Variants in NDRG4 observed in about 807,000 individuals in gnomAD.
NDRG4 encodes protein NDRG4.
NDRG4 carries 38 observed loss-of-function variants against 55.8 expected under a neutral mutation model. The observed-to-expected ratio is 0.68, with a 90% confidence interval of 0.53 to 0.89. NDRG4 has a LOEUF of 0.89. Among genes scored for constraint, NDRG4 ranks in the 40% least tolerant of loss-of-function variants. NDRG4 has a pLI of 0.00. For missense variants in NDRG4, 455 were observed against 468.6 expected (o/e 0.97, Z 0.27); for synonymous variants, 190 against 182.7 (o/e 1.04, Z -0.32).
chr16:58,511,361 C>T, intron 14 of NDRG4, 61 bp from the exon 15 acceptor site: 1 of 1,516,934 alleles, frequency 6.6e-7, no homozygotes, highest in Non-Finnish European at 8.8e-7. Flanking sequence ...GCCTACTTTT[C>T]CCACCAGAGG....
chr16:58,478,076 A>C (rs1242671942), intron 1 of NDRG4, among the ~76,000 whole-genome samples: 1 of 152,190 alleles, frequency 6.6e-6, no homozygotes, highest in Non-Finnish European at 1.5e-5. Flanking sequence ...TCTACTGACT[A>C]ACTGGCCAGT....
At position 58,464,972 on chromosome 16, in the gene NDRG4, G is replaced by A; in HGVS notation, c.-24+1175G>A. Reference sequence around the variant, plus strand: ...GGACCCTACTGACTGGGGACCCTCAGCCTTGGGGCTCCTCTGGAGAAGTGA... The same window carrying A: ...GGACCCTACTGACTGGGGACCCTCAACCTTGGGGCTCCTCTGGAGAAGTGA... On this transcript the variant is annotated intron_variant, in intron 1 of 15. Transcript: ENST00000258187. This position sits in a 1 kb window ranked among gnomAD's most constrained non-coding sequence, Gnocchi z 4.8. 1.7e-6 allele frequency: 2 copies of A among 1,203,232 alleles called. No individual in the cohort carries two copies. Among genetic ancestry groups the A allele is most frequent in the Non-Finnish European group, 2.1e-6 (2 of 946,540 alleles). The allele number at this position is 1,203,232 out of a possible 1,614,324, so 74.5% of individuals were successfully genotyped here.
chr16:58,488,604 C>T (rs975293791), intron 2 of NDRG4, among the ~76,000 whole-genome samples: 1 of 151,982 alleles, frequency 6.6e-6, no homozygotes, highest in African/African-American at 2.4e-5. Context: ...GCCAGGAGCC[C>T]AGCCCCTCAA....
At chr16:58,510,785 G>A in intron 14 of NDRG4, 102 bp downstream of exon 14, 1 of 1,102,430 alleles carries the variant, frequency 9.1e-7, no homozygotes, top group South Asian at 1.3e-5. Flanking sequence ...TCTTGCTGTG[G>A]TTTGGAACCT....
intron 2 of NDRG4, among the ~76,000 whole-genome samples, chr16:58,493,894 G>A (rs1271947204): frequency 6.6e-6 from 1 of 152,190 alleles, no homozygotes; most frequent in Non-Finnish European, 1.5e-5. Flanking sequence ...TGGGGAGACG[G>A]GGACCCAGAG....
At chr16:58,500,960 G>T (rs1330038594) in intron 1 of NDRG4, 36 of 1,230,682 alleles carry the variant, frequency 2.9e-5, no homozygotes, top group Non-Finnish European at 3.3e-5. Context: ...GGAACGAGGA[G>T]GGGTTGCCTG....
chr16:58,494,006 C>A (rs776440654), intron 2 of NDRG4, among the ~76,000 whole-genome samples: 17 of 152,212 alleles, frequency 1.1e-4, no homozygotes, highest in Non-Finnish European at 1.6e-4. Flanking sequence ...CCAGCCCCCG[C>A]TCCTCCCCAG....
In NDRG4 at chr16:58,503,868, C is replaced by T. The variant is rs773985953; in HGVS notation, c.92C>T (p.Pro31Leu). The change falls in exon 2 of 15, where the codon CCA becomes CTA. Residue 31 changes from proline (P) to leucine (L), a missense_variant. Physicochemically the swap from Pro to Leu is moderately conservative, Grantham distance 98. Coordinates refer to ENST00000570248, the MANE Select transcript of NDRG4 (RefSeq NM_001242835.2). ...CGGGGCTCCCCCAAGGGGAACCGCC[C>T]AGCCATCCTCACCTACCATGATGTG... ...VIRGSPKGNRPAILTYHDVGL... is the reference protein window; with the variant it reads ...VIRGSPKGNRLAILTYHDVGL... 3 of 1,613,970 alleles carry T rather than the reference C, an allele frequency of 1.9e-6. No individual in the cohort carries two copies. The highest frequency in any genetic ancestry group is 1.7e-5 in the Admixed American group (1 of 60,016).
chr16:58,476,828 A>G (rs1203140396), intron 1 of NDRG4, among the ~76,000 whole-genome samples: 4 of 152,224 alleles, frequency 2.6e-5, no homozygotes, highest in Non-Finnish European at 4.4e-5. Flanking sequence ...AAAAATTTAC[A>G]AAAGTGATAG....
intron 2 of NDRG4, among the ~76,000 whole-genome samples, chr16:58,492,182 CCA>C (rs2035859885): frequency 6.6e-6 from 1 of 152,170 alleles, no homozygotes; most frequent in Non-Finnish European, 1.5e-5. Flanking sequence ...GCCTGCCCGC[CCA>C]CTGCTGGAGC....
At chr16:58,475,739 C>T (rs2033535068) in intron 1 of NDRG4, 1 of 447,624 alleles carries the variant, frequency 2.2e-6, no homozygotes, top group Non-Finnish European at 4.5e-6. Context: ...TGTTCAAGCT[C>T]CTGCCATCAC....
intron 1 of NDRG4, among the ~76,000 whole-genome samples, chr16:58,468,628 G>A (rs193143267): frequency 6.6e-6 from 1 of 152,298 alleles, no homozygotes; most frequent in East Asian, 1.9e-4. Context: ...GGCTGAGGCA[G>A]GAGAATTGCT....
At chr16:58,481,671 G>A (rs114128708) in intron 1 of NDRG4, among the ~76,000 whole-genome samples, 2,415 of 152,242 alleles carry the variant, frequency 0.016, 48 homozygotes, top group African/African-American at 0.046. Context: ...GCATGTAGGC[G>A]GGTGGAAGCA....
rs1005329492 is a variant in NDRG4, at chr16:58,512,349, A to T, written c.*773A>T. On this transcript the variant is annotated 3_prime_UTR_variant, in exon 15 of 15. Transcript: ENST00000570248. ...GTGACCTGACTGGGGGTGAGGGAGA[A>T]GGAGGAGAGAGCCCATGTGTGGTGT... 1.2e-5 allele frequency: 4 copies of T among 326,378 alleles called. No homozygotes were observed. The highest frequency in any genetic ancestry group is 2.4e-5 in the Non-Finnish European group (4 of 167,032). 20.2% of individuals were successfully genotyped at this position (326,378 alleles called of 1,614,324 possible).
intron 1 of NDRG4, among the ~76,000 whole-genome samples, chr16:58,487,464 G>A (rs546844203): frequency 2.0e-5 from 3 of 152,244 alleles, no homozygotes; most frequent in East Asian, 1.9e-4. Flanking sequence ...AGGTTGCAGC[G>A]AGCCAAGATT....
At chr16:58,500,507 C>G in intron 1 of NDRG4, 123 of 403,028 alleles carry the variant, frequency 3.1e-4, no homozygotes, top group South Asian at 2.5e-3. Context: ...CTGGGGGGAG[C>G]GTGTGGTTGG....
chr16:58,499,934 G>A, upstream of NDRG4: 1 of 510,934 alleles, frequency 2.0e-6, no homozygotes, highest in Non-Finnish European at 3.5e-6. Flanking sequence ...CATCAAGGAT[G>A]ATGTGTGGCT....
rs1405727031 is a variant in NDRG4 at position 58,513,020 on chromosome 16, T to A, written c.*1444T>A. 1 of 152,740 alleles carries A rather than the reference T, an allele frequency of 6.5e-6. No individual in the cohort carries two copies. The highest frequency in any genetic ancestry group is 1.5e-5 in the Non-Finnish European group (1 of 68,108). The allele number at this position is 152,740 out of a possible 1,614,324, so 9.5% of individuals were successfully genotyped here. On this transcript the variant is annotated 3_prime_UTR_variant, in exon 15 of 15. Transcript: ENST00000570248. Reference sequence around the variant, plus strand: ...GGTGGCGTGTTAGTTTCTGCCCAGTTCTACCCCCTCATGTGCTTCTTCTGA... The same window carrying A: ...GGTGGCGTGTTAGTTTCTGCCCAGTACTACCCCCTCATGTGCTTCTTCTGA...
Position 58,507,011 on chromosome 16 carries a change from A to G in NDRG4, c.616A>G (p.Asn206Asp). 1.2e-6 allele frequency: 2 copies of G among 1,612,792 alleles called. No individual in the cohort carries two copies. The highest frequency in any genetic ancestry group is 2.2e-5 in the South Asian group (2 of 90,676). The change falls in exon 8 of 15, where the codon AAC becomes GAC. Residue 206 changes from asparagine (N) to aspartate (D), a missense_variant. Coordinates refer to ENST00000570248, the MANE Select transcript of NDRG4 (RefSeq NM_001242835.2). ...ANLQLFWNMYNSRRDLDINRP... is the reference protein window; with the variant it reads ...ANLQLFWNMYDSRRDLDINRP... ...CCTGCAGCTCTTCTGGAACATGTAC[A>G]ACAGGTGCGGGTGGGATCAGCAGCC... is the stretch of plus-strand genomic sequence containing the variant.
Sources: gnomAD v4.1 joint callset for allele counts (sites outside exome capture counted in the v4.1 genomes callset) on GRCh38, gnomAD v4.1.1 for gene constraint, Gnocchi (gnomAD v3.1) non-coding constraint, MANE v1.5 for transcripts, NCBI Gene and HGNC (gene_info 2026-07-23, HGNC 2026-07-21) for gene names.